STK32B: variants seen among roughly 807,000 people sequenced by gnomAD.
The protein encoded by STK32B is serine/threonine-protein kinase 32B.
In STK32B, 43 loss-of-function variants were observed where a neutral mutation model predicts 52.6. That is an observed-to-expected ratio of 0.82 (90% CI 0.64 to 1.05). The LOEUF (loss-of-function observed/expected upper bound fraction) is 1.05. Ranked by LOEUF, STK32B falls within the 50% of genes least tolerant of loss-of-function variation. STK32B has a pLI of 0.00. For synonymous variants in STK32B, 238 were observed against 204.3 expected (o/e 1.17, Z -1.41); for missense variants, 621 against 534.6 (o/e 1.16, Z -1.59).
chr4:5,181,749 A>C (rs1720382157), intron 3 of STK32B, among the ~76,000 whole-genome samples: 1 of 152,358 alleles, frequency 6.6e-6, no homozygotes. Context: ...AAAAATGCTA[A>C]TGATTATCTG....
chr4:5,421,170 A>C (rs768962178), intron 6 of STK32B, among the ~76,000 whole-genome samples: 9 of 151,728 alleles, frequency 5.9e-5, no homozygotes, highest in Non-Finnish European at 1.2e-4. Flanking sequence ...GCTCACTGCA[A>C]ACTCCACCTC....
chr4:5,049,018 ACACTG>A (rs1302668000), upstream of STK32B, among the ~76,000 whole-genome samples: 5 of 152,188 alleles, frequency 3.3e-5, no homozygotes, highest in Non-Finnish European at 7.3e-5. Context: ...CTGTCACTGA[ACACTG>A]CACTGCAAGA....
rs201302190 is a variant in STK32B, at chr4:5,374,888, G to A, written c.435-23319G>A. On this transcript the variant is annotated intron_variant, in intron 4 of 11. Transcript: ENST00000282908. ...GCTAACACCACTGCCTGCCAAGGGT[G>A]CCTGACAATGTCTGTTCTTTCTTCC... Among the ~76,000 whole-genome samples the A allele has an allele frequency of 4.6e-5, 7 of 152,330 alleles. No homozygotes were observed. The East Asian group carries it at 1.3e-3, about 29-fold the overall frequency.
intron 11 of STK32B, among the ~76,000 whole-genome samples, chr4:5,478,512 T>A (rs1163549724): frequency 1.3e-5 from 2 of 152,212 alleles, no homozygotes; most frequent in African/African-American, 4.8e-5. Flanking sequence ...AGATCAGAAT[T>A]GCCTACAAGG....
intron 3 of STK32B, among the ~76,000 whole-genome samples, chr4:5,180,322 A>C (rs1460416553): frequency 6.6e-6 from 1 of 152,246 alleles, no homozygotes; most frequent in Non-Finnish European, 1.5e-5. Context: ...GGCACTTGAT[A>C]TGTGTCTTAC....
At chr4:5,067,366 C>T (rs2108763878) in intron 1 of STK32B, among the ~76,000 whole-genome samples, 1 of 152,200 alleles carries the variant, frequency 6.6e-6, no homozygotes, top group Non-Finnish European at 1.5e-5. Context: ...AGTCAGTCAC[C>T]CCCACAAGAC....
At chr4:5,210,184 CTGTGTG>C (rs1279221588) in intron 3 of STK32B, among the ~76,000 whole-genome samples, 1 of 152,160 alleles carries the variant, frequency 6.6e-6, no homozygotes, top group Non-Finnish European at 1.5e-5. Context: ...AATCTCCAGC[CTGTGTG>C]TGCTACATGT....
chr4:5,102,495 T>C (rs1713856275), intron 1 of STK32B, among the ~76,000 whole-genome samples: 1 of 121,358 alleles, frequency 8.2e-6, no homozygotes, highest in African/African-American at 3.1e-5. Flanking sequence ...CTTCCTTCCC[T>C]CCCTCCCTCC....
chr4:5,251,117 C>A (rs1168292636), intron 3 of STK32B, among the ~76,000 whole-genome samples: 1 of 152,162 alleles, frequency 6.6e-6, no homozygotes, highest in African/African-American at 2.4e-5. Flanking sequence ...GCATCTTCAT[C>A]ATGAAACCTT....
intron 6 of STK32B, among the ~76,000 whole-genome samples, chr4:5,421,638 C>T (rs997719995): frequency 1.3e-5 from 2 of 152,208 alleles, no homozygotes; most frequent in African/African-American, 4.8e-5. Flanking sequence ...TGACCTTGCT[C>T]CTGCCTCACA....
At chr4:5,248,780 A>T (rs932764829) in intron 3 of STK32B, among the ~76,000 whole-genome samples, 7 of 152,154 alleles carry the variant, frequency 4.6e-5, no homozygotes, top group African/African-American at 1.7e-4. Flanking sequence ...TTTTAGGGAT[A>T]TGGATGAAGC....
chr4:5,080,633 A>T (rs1203027689), intron 1 of STK32B, among the ~76,000 whole-genome samples: 1 of 152,024 alleles, frequency 6.6e-6, no homozygotes, highest in Non-Finnish European at 1.5e-5. Context: ...TAAGGCAGAT[A>T]TTTTTTCCAA....
At chr4:5,245,844 T>A (rs185160718) in intron 3 of STK32B, among the ~76,000 whole-genome samples, 1 of 152,154 alleles carries the variant, frequency 6.6e-6, no homozygotes. Context: ...GTTAGTTTGG[T>A]GGGATATGAA....
chr4:5,406,914 G>A (rs984519828), intron 5 of STK32B, among the ~76,000 whole-genome samples: 2 of 152,218 alleles, frequency 1.3e-5, no homozygotes, highest in South Asian at 2.1e-4. Context: ...ACAAATTTCT[G>A]CAGCCAGCTT....
intron 2 of STK32B, among the ~76,000 whole-genome samples, chr4:5,144,784 TCATCCATCCATCCATCCATC>T (rs112099943): frequency 9.4e-5 from 9 of 95,698 alleles, no homozygotes; most frequent in Admixed American, 2.7e-4. Flanking sequence ...ACTCATTCAC[TCATCCATCCATCCATCCATC>T]CATCCATCCA....
In STK32B at chr4:5,054,155, G is replaced by A. The variant is rs1425670171; in HGVS notation, c.52+2240G>A. On this transcript the variant is annotated intron_variant, in intron 1 of 11. Transcript: ENST00000282908. ...TGCCACCAACCGACTCATTTATTTC[G>A]TAGGCATTTACTATTTGTATTTTCT... Among the ~76,000 whole-genome samples, 7 of 152,144 alleles carry A rather than the reference G, an allele frequency of 4.6e-5. No homozygotes were observed. The South Asian group carries it at 1.0e-3, about 23-fold the overall frequency.
intron 8 of STK32B, among the ~76,000 whole-genome samples, chr4:5,457,731 A>C (rs1283777033): frequency 1.3e-5 from 2 of 151,408 alleles, no homozygotes; most frequent in African/African-American, 2.4e-5. Context: ...CCACCTACAA[A>C]AGTAGGTGGC....
chr4:5,268,572 TG>T (rs1727208451), intron 3 of STK32B, among the ~76,000 whole-genome samples: 1 of 150,670 alleles, frequency 6.6e-6, no homozygotes, highest in Non-Finnish European at 1.5e-5. Flanking sequence ...TGTGTGTGTG[TG>T]TGTGTGTGTG....
intron 7 of STK32B, among the ~76,000 whole-genome samples, chr4:5,451,187 G>C (rs1250093724): frequency 6.6e-6 from 1 of 152,228 alleles, no homozygotes; most frequent in Non-Finnish European, 1.5e-5. Flanking sequence ...CCACAAGACA[G>C]GTAGATGCAG....
Sources: gnomAD v4.1 joint callset for allele counts (sites outside exome capture counted in the v4.1 genomes callset) on GRCh38, gnomAD v4.1.1 for gene constraint, MANE v1.5 for transcripts, NCBI Gene and HGNC (gene_info 2026-07-23, HGNC 2026-07-21) for gene names.